The following AIRE variants were observed in gnomAD, a reference collection of about 807,000 sequenced individuals.
AIRE encodes autoimmune polyendocrinopathy candidiasis ectodermal dystrophy protein.
Under a neutral mutation model 62.1 loss-of-function variants are expected in AIRE, and 52 were observed. The observed-to-expected ratio is 0.84, with a 90% CI of 0.67 to 1.06. The LOEUF (loss-of-function observed/expected upper bound fraction) is 1.06, where lower values mean the gene tolerates loss of function less well. AIRE is among the 50% of genes least tolerant of loss of function. The probability of loss-of-function intolerance (pLI) is 0.00; values close to 1 mark genes in which losing one functional copy is unlikely to be tolerated. For missense variants in AIRE, 774 were observed against 755.8 expected, an observed-to-expected ratio of 1.02 and a Z score of -0.28; for synonymous variants, 342 against 321.6, an observed-to-expected ratio of 1.06 and a Z score of -0.68.
Position 44,298,521 on chromosome 21 carries a change from A to G in AIRE, c.*794A>G, listed in dbSNP as rs1328674394. On this transcript the variant is annotated 3_prime_UTR_variant, in exon 14 of 14. Coordinates refer to ENST00000291582, the MANE Select transcript of AIRE (RefSeq NM_000383.4). ...CACATGGATGGACTGCATTGTGTTC[A>G]TCTATGCTTTCCTCAGCAGACACCT... The G allele has an allele frequency of 6.5e-6, 1 of 152,724 alleles. No homozygotes were observed. The highest frequency in any genetic ancestry group is 1.5e-5 in the Non-Finnish European group (1 of 68,404). The allele number at this position is 152,724 out of a possible 1,614,324, so 9.5% of individuals were successfully genotyped here.
At position 44,292,360 on chromosome 21, in the gene AIRE, G is replaced by A; in HGVS notation, c.1054G>A (p.Ala352Thr). 1.3e-6 allele frequency: 2 copies of A among 1,570,652 alleles called. No homozygotes were observed. The highest frequency in any genetic ancestry group is 1.2e-5 in the South Asian group (1 of 85,498). Reference protein sequence around the residue: ...QATVQEVQPRAEEPRPQEPPV... With the variant: ...QATVQEVQPRTEEPRPQEPPV... ...AACAGTCCAGGAGGTGCAGCCCCGG[G>A]CAGAGGAGCCCCGGCCCCAGGAGCC... The change falls in exon 9 of 14, where the codon GCA becomes ACA. Residue 352 changes from alanine (A) to threonine (T), a missense_variant. Coordinates refer to ENST00000291582, the MANE Select transcript of AIRE (RefSeq NM_000383.4).
Position 44,298,077 on chromosome 21 carries a change from A to G in AIRE, c.*350A>G, listed in dbSNP as rs2040630324. On this transcript the variant is annotated 3_prime_UTR_variant, in exon 14 of 14. Coordinates refer to ENST00000291582, the MANE Select transcript of AIRE (RefSeq NM_000383.4). Reference sequence around the variant, plus strand: ...AACTCGGGAGGTGGAGGTTGCAGTGAGCTGAGATTGCGCCACTGCACTCCA... The same window carrying G: ...AACTCGGGAGGTGGAGGTTGCAGTGGGCTGAGATTGCGCCACTGCACTCCA... 7 of 349,148 alleles carry G rather than the reference A, an allele frequency of 2.0e-5. No homozygotes were observed. The highest frequency in any genetic ancestry group is 1.8e-4 in the South Asian group (7 of 39,116). The allele number at this position is 349,148 out of a possible 1,614,324, so 21.6% of individuals were successfully genotyped here.
Position 44,285,876 on chromosome 21 carries a change from G to T in AIRE, c.-131G>T. ...CAGCGGCGCGCGTGGCTCGCAGACC[G>T]GGGAGACGGGCGGGCGCACAGCCGG... On this transcript the variant is annotated 5_prime_UTR_variant, in exon 1 of 14. Coordinates refer to ENST00000291582, the MANE Select transcript of AIRE (RefSeq NM_000383.4). The T allele has an allele frequency of 1.1e-6, 1 of 927,564 alleles. No individual in the cohort carries two copies. Among genetic ancestry groups the T allele is most frequent in the Non-Finnish European group, 1.5e-6 (1 of 679,018 alleles). 57.5% of individuals were successfully genotyped at this position (927,564 alleles called of 1,614,324 possible).
Position 44,287,636 on chromosome 21 carries a change from G to A in AIRE, c.538+45G>A. 6.6e-7 allele frequency: 1 copy of A among 1,526,282 alleles called. No individual in the cohort carries two copies. Among genetic ancestry groups the A allele is most frequent in the Non-Finnish European group, 8.9e-7 (1 of 1,125,916 alleles). The allele number at this position is 1,526,282 out of a possible 1,614,324, so 94.5% of individuals were successfully genotyped here. On this transcript the variant is annotated intron_variant, in intron 4 of 13. Transcript: ENST00000291582. The surrounding 1 kb of genome is among the most constrained non-coding windows in gnomAD (Gnocchi z 4.3). ...AGCGCCTCCCTTCTCCCTGGCCAGGGGCAAGGGGTCAGGGGTCAGAGCAGG... is the reference window on the plus strand; with the variant it reads ...AGCGCCTCCCTTCTCCCTGGCCAGGAGCAAGGGGTCAGGGGTCAGAGCAGG...
At position 44,295,762 on chromosome 21, in the gene AIRE, G is replaced by A. The variant is rs544410583; in HGVS notation, c.1504-621G>A. On this transcript the variant is annotated intron_variant, in intron 12 of 13. Transcript: ENST00000291582. ...ATCCTGAGCAGCTCTCCCACCCCCTGGGAGCATCCTTAGGACCGGGGAGCA... is the reference window on the plus strand; with the variant it reads ...ATCCTGAGCAGCTCTCCCACCCCCTAGGAGCATCCTTAGGACCGGGGAGCA... Among the ~76,000 whole-genome samples, 179 of 152,198 alleles carry A rather than the reference G, an allele frequency of 1.2e-3. 1 individual carries two copies. Among genetic ancestry groups the A allele is most frequent in the Non-Finnish European group, 2.4e-3 (162 of 67,972 alleles).
At chr21:44,293,672 C>T in intron 10 of AIRE, 117 bp from the exon 11 acceptor site, 1 of 1,504,236 alleles carries the variant, frequency 6.6e-7, no homozygotes, top group South Asian at 1.2e-5. Context: ...CTCACTTGCG[C>T]CTAGACCCGC....
At position 44,287,289 on chromosome 21, in the gene AIRE, C is replaced by A; in HGVS notation, c.463+156C>A. The A allele has an allele frequency of 2.3e-6, 2 of 880,388 alleles. No homozygotes were observed. The highest frequency in any genetic ancestry group is 1.7e-5 in the South Asian group (1 of 60,556). The allele number at this position is 880,388 out of a possible 1,614,324, so 54.5% of individuals were successfully genotyped here. On this transcript the variant is annotated intron_variant, in intron 3 of 13. Coordinates refer to ENST00000291582, the MANE Select transcript of AIRE (RefSeq NM_000383.4). This position sits in a 1 kb window ranked among gnomAD's most constrained non-coding sequence, Gnocchi z 4.3. ...CTCCTCTGGGTACTAGACCCACACACTGGACCAGCCTCTCAGCTCCCTCCT... is the reference window on the plus strand; with the variant it reads ...CTCCTCTGGGTACTAGACCCACACAATGGACCAGCCTCTCAGCTCCCTCCT...
chr21:44,290,959 C>A, intron 7 of AIRE, 136 bp from the exon 8 acceptor site: 1 of 1,612,586 alleles, frequency 6.2e-7, no homozygotes, highest in Non-Finnish European at 8.5e-7. Context: ...GCCCTGGCAG[C>A]ATGGGAGCAG....
At position 44,294,512 on chromosome 21, in the gene AIRE, C is replaced by T. The variant is rs984302778; in HGVS notation, c.1503+9C>T. ...CCCCTGGGCCTGCCAAGGTCAGTGC[C>T]GCAGGGGCCCTCCATGCATGCCGGT... On this transcript the variant is annotated intron_variant, in intron 12 of 13. Transcript: ENST00000291582. The T allele has an allele frequency of 5.9e-5, 84 of 1,419,386 alleles. No individual in the cohort carries two copies. Among genetic ancestry groups the T allele is most frequent in the Admixed American group, 3.5e-4 (14 of 40,114 alleles). 87.9% of individuals were successfully genotyped at this position (1,419,386 alleles called of 1,614,324 possible).
chr21:44,293,329 C>A (rs1179027013), intron 10 of AIRE, among the ~76,000 whole-genome samples, 154 bp downstream of exon 10: 1 of 37,700 alleles, frequency 2.7e-5, no homozygotes, highest in African/African-American at 9.9e-5. Context: ...TGGGGGGCTG[C>A]GGGGGGAAGG....
chr21:44,288,419 G>T lies in AIRE; in HGVS notation c.613G>T (p.Ala205Ser). Residue 205 changes from alanine (A) to serine (S), a missense_variant, in exon 5 of 14, where the codon GCC (alanine) becomes TCC (serine). Around this residue, in one of 3 missense-constraint regions of AIRE, gnomAD observed 385 missense variants for 396.0 expected, o/e 0.97. Transcript: ENST00000291582. ...SSGDVPGARG[A>S]VEGILIQQVF... ...CGGGGACGTCCCGGGAGCCCGAGGG[G>T]CCGTGGAGGGGATCCTCATCCAGCA... is the stretch of plus-strand genomic sequence containing the variant. 1 of 1,611,974 alleles carries T rather than the reference G, an allele frequency of 6.2e-7. No individual in the cohort carries two copies. Among genetic ancestry groups the T allele is most frequent in the South Asian group, 1.1e-5 (1 of 91,070 alleles).
chr21:44,297,848 C>A lies in AIRE; in HGVS notation c.*121C>A. 2.1e-6 allele frequency: 2 copies of A among 932,230 alleles called. No individual in the cohort carries two copies. The highest frequency in any genetic ancestry group is 3.4e-6 in the Non-Finnish European group (2 of 595,806). 57.7% of individuals were successfully genotyped at this position (932,230 alleles called of 1,614,324 possible). ...GGGACAGCGCCACCTCTTGTCAGTG[C>A]TCGGCTGTAAACAGCTCTGTGTTTC... is the stretch of plus-strand genomic sequence containing the variant. On this transcript the variant is annotated 3_prime_UTR_variant, in exon 14 of 14. Transcript: ENST00000291582. This position sits in a 1 kb window ranked among gnomAD's most constrained non-coding sequence, Gnocchi z 4.8.
At chr21:44,291,269 C>T in intron 8 of AIRE, 59 bp downstream of exon 8, 1 of 1,583,686 alleles carries the variant, frequency 6.3e-7, no homozygotes, top group Non-Finnish European at 8.5e-7. Flanking sequence ...CGCCTCCACC[C>T]ACTGACCCTG....
In AIRE at chr21:44,295,565, G is replaced by A. The variant is rs181779633; in HGVS notation, c.1504-818G>A. On this transcript the variant is annotated intron_variant, in intron 12 of 13. Coordinates refer to ENST00000291582, the MANE Select transcript of AIRE (RefSeq NM_000383.4). ...GCTTTCCTGCAACTGCTCCCGCAGC[G>A]GGTACCTCGTCATTAACCTCCTGGG... Among the ~76,000 whole-genome samples the A allele has an allele frequency of 1.8e-4, 28 of 152,312 alleles. No homozygotes were observed. The highest frequency in any genetic ancestry group is 1.4e-3 in the Admixed American group (22 of 15,306).
chr21:44,286,190 A>G lies in AIRE; in HGVS notation c.132+52A>G. 6.8e-7 allele frequency: 1 copy of G among 1,476,468 alleles called. No homozygotes were observed. Among genetic ancestry groups the G allele is most frequent in the South Asian group, 1.2e-5 (1 of 82,012 alleles). 91.5% of individuals were successfully genotyped at this position (1,476,468 alleles called of 1,614,324 possible). A position where few individuals can be genotyped will look rare whatever the true frequency, so the allele number is the denominator to read the frequency against. ...CCCCCAGGCCCTGTGAGCCAGGGATAGTCCCCGGGGAAGTTCCAGGAGGAC... is the reference window on the plus strand; with the variant it reads ...CCCCCAGGCCCTGTGAGCCAGGGATGGTCCCCGGGGAAGTTCCAGGAGGAC... On this transcript the variant is annotated intron_variant, in intron 1 of 13. Transcript: ENST00000291582. The surrounding 1 kb of genome is among the most constrained non-coding windows in gnomAD (Gnocchi z 6.0).
At position 44,286,660 on chromosome 21, in the gene AIRE, G is replaced by A; in HGVS notation, c.236G>A (p.Arg79Lys). 1.2e-6 allele frequency: 2 copies of A among 1,613,084 alleles called. No homozygotes were observed. The highest frequency in any genetic ancestry group is 1.1e-5 in the South Asian group (1 of 91,086). The change falls in exon 2 of 14, where the codon AGG becomes AAG. Residue 79 changes from arginine to lysine, a missense_variant. Arg to Lys is a conservative substitution (Grantham distance 26). Coordinates refer to ENST00000291582, the MANE Select transcript of AIRE (RefSeq NM_000383.4). This position sits in a 1 kb window ranked among gnomAD's most constrained non-coding sequence, Gnocchi z 6.0. ...TCCACAGCCATCCTGGACTTCTGGAGGGTGCTGTTCAAGGACTACAACCTG... is the reference window on the plus strand; with the variant it reads ...TCCACAGCCATCCTGGACTTCTGGAAGGTGCTGTTCAAGGACTACAACCTG... ...QDSTAILDFWRVLFKDYNLER... is the reference protein window; with the variant it reads ...QDSTAILDFWKVLFKDYNLER...
rs752494949 is a variant in AIRE at position 44,289,970 on chromosome 21, C to T, written c.799-18C>T. 3.5e-5 allele frequency: 57 copies of T among 1,609,342 alleles called. No homozygotes were observed. The highest frequency in any genetic ancestry group is 4.1e-5 in the Non-Finnish European group (48 of 1,178,466). On this transcript the variant is annotated intron_variant, in intron 6 of 13. Transcript: ENST00000291582. ...CTGCTGAGGCTGCCCCCATTGCTGACGCCCCTCTTCCTTGCAGGGTGGAGG... is the reference window on the plus strand; with the variant it reads ...CTGCTGAGGCTGCCCCCATTGCTGATGCCCCTCTTCCTTGCAGGGTGGAGG...
intron 5 of AIRE, chr21:44,289,381 C>T: frequency 2.0e-6 from 1 of 511,034 alleles, no homozygotes; most frequent in Non-Finnish European, 3.5e-6. Flanking sequence ...GTGACCTCAT[C>T]TTAACTAATC....
intron 7 of AIRE, chr21:44,290,813 T>G: frequency 6.5e-7 from 1 of 1,538,112 alleles, no homozygotes. Context: ...GTTCATGTGG[T>G]TGGTGTACAG....
Sources: allele counts gnomAD v4.1 joint callset (sites outside exome capture counted in the v4.1 genomes callset), GRCh38; gene constraint gnomAD v4.1.1; regional missense constraint gnomAD v4.1.1; non-coding constraint Gnocchi (gnomAD v3.1); transcripts MANE v1.5; gene names NCBI Gene and HGNC (gene_info 2026-07-23, HGNC 2026-07-21).